PLCZ1: variants seen among roughly 807,000 people sequenced by gnomAD.
The protein encoded by PLCZ1 is 1-phosphatidylinositol 4,5-bisphosphate phosphodiesterase zeta-1.
Under a neutral mutation model 76.8 loss-of-function variants are expected in PLCZ1, and 64 were observed. The ratio of observed to expected loss-of-function variants is 0.83; its 90% CI spans 0.68 to 1.03. The LOEUF (loss-of-function observed/expected upper bound fraction) is 1.03, where lower values mean the gene tolerates loss of function less well. Among genes scored for constraint, PLCZ1 ranks in the 50% least tolerant of loss-of-function variants. PLCZ1 has a pLI of 0.00. For missense variants in PLCZ1, 751 were observed against 713.7 expected, an observed-to-expected ratio of 1.05 and a Z score of -0.60; for synonymous variants, 248 against 230.8, an observed-to-expected ratio of 1.07 and a Z score of -0.68.
At chr12:18,691,495 T>C (rs561149500) in intron 12 of PLCZ1, among the ~76,000 whole-genome samples, 1 of 152,180 alleles carries the variant, frequency 6.6e-6, no homozygotes, top group East Asian at 1.9e-4. Flanking sequence ...GGAAAGACTT[T>C]AGTTAACATA....
chr12:18,657,399 C>A, the PLCZ1 span, among the ~76,000 whole-genome samples: 2 of 152,080 alleles, frequency 1.3e-5, no homozygotes, highest in African/African-American at 2.4e-5. Context: ...CACTGGCTGA[C>A]CCTCAGGCTC....
intron 3 of PLCZ1, among the ~76,000 whole-genome samples, chr12:18,727,628 G>A (rs1958826757): frequency 6.6e-6 from 1 of 152,134 alleles, no homozygotes; most frequent in South Asian, 2.1e-4. Context: ...AGATAAGGCA[G>A]GAAGCACAGC....
intron 14 of PLCZ1, among the ~76,000 whole-genome samples, chr12:18,683,901 C>G (rs554934062): frequency 1.7e-4 from 26 of 152,066 alleles, no homozygotes; most frequent in African/African-American, 6.3e-4. Flanking sequence ...AATGCTTATA[C>G]ATGCCAAGTT....
At chr12:18,694,839 CA>C (rs896714334) in intron 12 of PLCZ1, 70 bp downstream of exon 12, 2 of 1,221,016 alleles carry the variant, frequency 1.6e-6, no homozygotes, top group Non-Finnish European at 2.3e-6. Flanking sequence ...CAGTGGAATT[CA>C]AAATACTAAT....
the PLCZ1 span, among the ~76,000 whole-genome samples, chr12:18,653,823 T>A: frequency 6.6e-6 from 1 of 152,098 alleles, no homozygotes; most frequent in African/African-American, 2.4e-5. Context: ...ATATAGGAAC[T>A]CTTTGTATAA....
chr12:18,732,915 C>T (rs1959133093), intron 3 of PLCZ1, among the ~76,000 whole-genome samples: 1 of 152,152 alleles, frequency 6.6e-6, no homozygotes, highest in Admixed American at 6.5e-5. Flanking sequence ...TAAAATAATG[C>T]TGCAATATAT....
At chr12:18,659,627 T>C in the PLCZ1 span, among the ~76,000 whole-genome samples, 464 of 151,868 alleles carry the variant, frequency 3.1e-3, no homozygotes, top group Non-Finnish European at 5.3e-3. Context: ...GTGTCAGGCC[T>C]CTTAAGTCTC....
chr12:18,683,339 A>T lies in PLCZ1; in HGVS notation c.1742-15T>A. The T allele has an allele frequency of 2.5e-6, 4 of 1,610,304 alleles. No homozygotes were observed. The highest frequency in any genetic ancestry group is 3.4e-6 in the Non-Finnish European group (4 of 1,177,122). ...ACGACGATAACCTGCAAAAGGAATT[A>T]TATCTAATTAGACCAATAACCAATT... On this transcript the variant is annotated splice_polypyrimidine_tract_variant and intron_variant, in intron 14 of 14. Coordinates refer to ENST00000266505, the MANE Select transcript of PLCZ1 (RefSeq NM_033123.4).
At chr12:18,724,502 A>G (rs1958634927) in intron 3 of PLCZ1, among the ~76,000 whole-genome samples, 1 of 152,128 alleles carries the variant, frequency 6.6e-6, no homozygotes, top group Non-Finnish European at 1.5e-5. Context: ...TACATTGTAA[A>G]CAGCTTGAAT....
intron 13 of PLCZ1, among the ~76,000 whole-genome samples, chr12:18,686,863 T>C (rs967087786): frequency 6.6e-6 from 1 of 152,106 alleles, no homozygotes; most frequent in South Asian, 2.1e-4. Flanking sequence ...TAATGTTTGA[T>C]GAACCAAATT....
intron 7 of PLCZ1, among the ~76,000 whole-genome samples, chr12:18,702,109 A>G (rs1019034656): frequency 5.3e-5 from 8 of 152,154 alleles, no homozygotes; most frequent in African/African-American, 1.7e-4. Context: ...TATTGCAATG[A>G]AAATGTTACA....
At chr12:18,696,468 A>G (rs1336187005) in intron 10 of PLCZ1, among the ~76,000 whole-genome samples, 2 of 150,958 alleles carry the variant, frequency 1.3e-5, no homozygotes, top group African/African-American at 4.9e-5. Context: ...ATTCACTATT[A>G]TTTAGATGTT....
intron 9 of PLCZ1, among the ~76,000 whole-genome samples, 191 bp downstream of exon 9, chr12:18,701,310 A>G (rs1305321082): frequency 1.3e-5 from 2 of 152,136 alleles, no homozygotes; most frequent in Non-Finnish European, 2.9e-5. Context: ...TTAAGCAGCT[A>G]ACATAAGAAA....
chr12:18,696,319 C>T (rs1348321382), intron 10 of PLCZ1, 53 bp from the exon 11 acceptor site: 1 of 320,568 alleles, frequency 3.1e-6, no homozygotes. Flanking sequence ...ATTTAAAAAG[C>T]CACTATATAT....
chr12:18,649,544 G>A, the PLCZ1 span, among the ~76,000 whole-genome samples: 1 of 151,976 alleles, frequency 6.6e-6, no homozygotes, highest in African/African-American at 2.4e-5. Flanking sequence ...GCCAATTGCT[G>A]ACCCACTACC....
At chr12:18,713,067 C>G (rs1957528171) in intron 5 of PLCZ1, 81 bp from the exon 6 acceptor site, 2 of 1,547,308 alleles carry the variant, frequency 1.3e-6, no homozygotes, top group South Asian at 2.3e-5. Flanking sequence ...TTCCAAAGAC[C>G]ATTTGATTTT....
Position 18,701,764 on chromosome 12 carries a change from TG to T in PLCZ1, c.876del (p.Phe292LeufsTer4). On this transcript the variant is annotated frameshift_variant, in exon 8 of 15. Coordinates refer to ENST00000266505, the MANE Select transcript of PLCZ1 (RefSeq NM_033123.4). LOFTEE classifies it high-confidence loss of function. ...DTLPSPEALK[F>X]KILVKNKKIG... The stretch of plus-strand genomic sequence containing the variant: ...ATTTTCTTATTTTTAACTAATATTT[TG>T]AATTTTAGTGCCTAAGGAAACAATT... The T allele has an allele frequency of 6.2e-7, 1 of 1,602,136 alleles. No individual in the cohort carries two copies. The highest frequency in any genetic ancestry group is 8.5e-7 in the Non-Finnish European group (1 of 1,174,052).
intron 5 of PLCZ1, chr12:18,713,734 T>C (rs2137441491): frequency 6.6e-6 from 1 of 152,328 alleles, no homozygotes; most frequent in South Asian, 2.1e-4. Context: ...ATGACCTGCT[T>C]ACCTCAGAAT....
At chr12:18,709,023 G>C (rs1260057230) in intron 6 of PLCZ1, among the ~76,000 whole-genome samples, 2 of 152,004 alleles carry the variant, frequency 1.3e-5, no homozygotes, top group Non-Finnish European at 2.9e-5. Context: ...GTTTGATGTA[G>C]TCCCAGTTAT....
Sources: gnomAD v4.1 joint callset for allele counts (sites outside exome capture counted in the v4.1 genomes callset) on GRCh38, gnomAD v4.1.1 for gene constraint, MANE v1.5 for transcripts, NCBI Gene and HGNC (gene_info 2026-07-23, HGNC 2026-07-21) for gene names.